The following CHN1 variants were observed in gnomAD, a reference collection of about 807,000 sequenced individuals.
The protein encoded by CHN1 is chimerin 1, also known as N-chimaerin.
In CHN1, 37 loss-of-function variants were observed where a neutral mutation model predicts 59.5. That is an observed-to-expected ratio of 0.62 (90% confidence interval 0.48 to 0.82). The LOEUF (loss-of-function observed/expected upper bound fraction) is 0.82. Ranked by LOEUF, CHN1 falls within the 40% of genes least tolerant of loss-of-function variation. CHN1 has a pLI of 0.00. For synonymous variants in CHN1, 206 were observed against 200.4 expected (o/e 1.03, Z -0.24); for missense variants, 469 against 571.0 (o/e 0.82, Z 1.82).
chr2:174,885,189 C>T (rs1412986657), intron 5 of CHN1, among the ~76,000 whole-genome samples: 1 of 150,792 alleles, frequency 6.6e-6, no homozygotes. Flanking sequence ...ACAGGAGAAT[C>T]GCTTGAACCC....
chr2:174,861,297 A>G (rs1392973753), intron 6 of CHN1, among the ~76,000 whole-genome samples: 1 of 152,218 alleles, frequency 6.6e-6, no homozygotes, highest in Non-Finnish European at 1.5e-5. Flanking sequence ...CAGCATGCAG[A>G]GAGCTCTCAA....
intron 5 of CHN1, among the ~76,000 whole-genome samples, chr2:174,902,921 T>C (rs554051963): frequency 9.9e-5 from 15 of 152,208 alleles, no homozygotes; most frequent in Non-Finnish European, 1.5e-4. Context: ...TGAGATTCAA[T>C]TAGGAATTGT....
chr2:174,843,066 C>T (rs539611065), intron 7 of CHN1, among the ~76,000 whole-genome samples: 1 of 152,188 alleles, frequency 6.6e-6, no homozygotes, highest in Admixed American at 6.5e-5. Flanking sequence ...AGCCTAGCTT[C>T]TGTCGTTATT....
chr2:174,847,269 TGGA>T (rs1186213943), intron 6 of CHN1: 2 of 1,377,876 alleles, frequency 1.5e-6, no homozygotes, highest in East Asian at 5.2e-5. Flanking sequence ...CACGGAGAGG[TGGA>T]GGAGGAGGAT....
intron 11 of CHN1, among the ~76,000 whole-genome samples, chr2:174,807,446 CTGTGTGTGTGTG>C (rs71031071): frequency 0.049 from 4,098 of 83,780 alleles, 109 homozygotes; most frequent in South Asian, 0.062. Context: ...CACGGGCTAT[CTGTGTGTGTGTG>C]TGTGTGTGTG....
chr2:174,915,392 C>A (rs1178711629), intron 4 of CHN1: 3 of 466,836 alleles, frequency 6.4e-6, no homozygotes, highest in Non-Finnish European at 1.2e-5. Context: ...AAGTACTACC[C>A]AATCCAGTTA....
intron 5 of CHN1, among the ~76,000 whole-genome samples, chr2:174,889,636 A>C (rs934770215): frequency 5.9e-5 from 9 of 152,154 alleles, no homozygotes; most frequent in African/African-American, 2.2e-4. Flanking sequence ...AAGAATCAGC[A>C]AACTTAAAGA....
chr2:174,907,656 T>G (rs1036801415), intron 5 of CHN1, among the ~76,000 whole-genome samples: 1 of 148,868 alleles, frequency 6.7e-6, no homozygotes, highest in Non-Finnish European at 1.5e-5. Flanking sequence ...ACATGTGCAC[T>G]GTAAAAAAAA....
At chr2:174,966,406 G>GA (rs1408249469) in intron 1 of CHN1, among the ~76,000 whole-genome samples, 2 of 151,202 alleles carry the variant, frequency 1.3e-5, no homozygotes, top group Non-Finnish European at 2.9e-5. Flanking sequence ...AAAGATCACA[G>GA]AAAAAAATAT....
chr2:174,956,462 A>G (rs1443181432), intron 1 of CHN1, among the ~76,000 whole-genome samples: 2 of 152,148 alleles, frequency 1.3e-5, no homozygotes, highest in Non-Finnish European at 2.9e-5. Flanking sequence ...ACACACACAA[A>G]TATGTCTGCT....
chr2:174,839,347 T>C (rs1355978723), intron 7 of CHN1, among the ~76,000 whole-genome samples: 2 of 152,134 alleles, frequency 1.3e-5, no homozygotes, highest in Non-Finnish European at 2.9e-5. Context: ...TCAGCCTTAA[T>C]AAAGGAAATC....
intron 5 of CHN1, among the ~76,000 whole-genome samples, chr2:174,893,811 A>T (rs1688126402): frequency 6.6e-6 from 1 of 152,206 alleles, no homozygotes; most frequent in Non-Finnish European, 1.5e-5. Context: ...GAGAGCTCAG[A>T]TATAAACTGT....
chr2:174,857,682 C>A (rs559395112), intron 6 of CHN1, among the ~76,000 whole-genome samples: 3 of 152,220 alleles, frequency 2.0e-5, no homozygotes, highest in Admixed American at 6.5e-5. Context: ...TCTTGATCTT[C>A]CCCCCAACCC....
At chr2:174,974,896 A>ACACACAC (rs1559005611) in intron 1 of CHN1, among the ~76,000 whole-genome samples, 3,195 of 100,920 alleles carry the variant, frequency 0.032, 116 homozygotes, top group Admixed American at 0.096. Flanking sequence ...AGAAATAATT[A>ACACACAC]ATACACACAC....
chr2:174,952,612 A>T (rs1690057540), intron 1 of CHN1, among the ~76,000 whole-genome samples: 1 of 152,234 alleles, frequency 6.6e-6, no homozygotes, highest in Non-Finnish European at 1.5e-5. Context: ...ATCACCGCAA[A>T]AGTTAAGTAT....
chr2:174,848,090 A>G (rs959546945), intron 6 of CHN1, among the ~76,000 whole-genome samples: 10 of 152,218 alleles, frequency 6.6e-5, no homozygotes, highest in Non-Finnish European at 1.2e-4. Flanking sequence ...TTCATGCAGA[A>G]CAAGGAGCAT....
rs577230282 is a variant in CHN1, at chr2:174,875,713, C to A, written c.549+2127G>T. On this transcript the variant is annotated intron_variant, in intron 6 of 12. Transcript: ENST00000409900. Reference sequence around the variant, plus strand: ...AAGAGGGGTTTTAGCTATTAAGGGCCCATTAAATATTTATTAAACCATACT... The same window carrying A: ...AAGAGGGGTTTTAGCTATTAAGGGCACATTAAATATTTATTAAACCATACT... The A allele has an allele frequency of 4.9e-6, 3 of 612,050 alleles. No homozygotes were observed. The South Asian group carries it at 2.2e-4, about 44-fold the overall frequency. 37.9% of individuals were successfully genotyped at this position (612,050 alleles called of 1,614,324 possible).
intron 1 of CHN1, among the ~76,000 whole-genome samples, chr2:174,997,273 G>C (rs1361227753): frequency 6.6e-6 from 1 of 152,024 alleles, no homozygotes; most frequent in Non-Finnish European, 1.5e-5. Flanking sequence ...CCCAGACCTC[G>C]AACGTCCTCT....
intron 1 of CHN1, among the ~76,000 whole-genome samples, chr2:174,976,746 ATTT>A (rs1434141351): frequency 6.6e-6 from 1 of 152,190 alleles, no homozygotes; most frequent in African/African-American, 2.4e-5. Flanking sequence ...ATTGCAAAAT[ATTT>A]TTATTTTTAG....
Sources: gnomAD v4.1 joint callset for allele counts (sites outside exome capture counted in the v4.1 genomes callset) on GRCh38, gnomAD v4.1.1 for gene constraint, MANE v1.5 for transcripts, NCBI Gene and HGNC (gene_info 2026-07-23, HGNC 2026-07-21) for gene names.